DHRS7B: variants seen among roughly 807,000 people sequenced by gnomAD.
DHRS7B encodes the protein dehydrogenase/reductase 7B, also known as peroxisomal reductase activating PPAR-gamma.
A neutral mutation model predicts 26.4 loss-of-function variants in DHRS7B; 24 were observed. The ratio of observed to expected loss-of-function variants is 0.91; its 90% CI spans 0.66 to 1.28. The LOEUF (loss-of-function observed/expected upper bound fraction) is 1.28, where lower values mean the gene tolerates loss of function less well. Ranked by LOEUF, DHRS7B falls within the 50% of genes most tolerant of loss-of-function variation. The pLI is 0.00. For synonymous variants in DHRS7B, 142 were observed against 166.4 expected, an observed-to-expected ratio of 0.85 and a Z score of 1.13; for missense variants, 368 against 419.4, an observed-to-expected ratio of 0.88 and a Z score of 1.07.
chr17:21,183,590 C>G lies in DHRS7B; in HGVS notation c.310-4C>G. 6.2e-7 allele frequency: 1 copy of G among 1,612,394 alleles called. No individual in the cohort carries two copies. The highest frequency in any genetic ancestry group is 8.5e-7 in the Non-Finnish European group (1 of 1,179,938). On this transcript the variant is annotated splice_region_variant and splice_polypyrimidine_tract_variant and intron_variant, in intron 3 of 6. Coordinates refer to ENST00000395511, the MANE Select transcript of DHRS7B (RefSeq NM_015510.5). ...GTGAATTTGTATCTGTTGTATTTGACCAGGTGCAGACACACAAGCCTTACT... is the reference window on the plus strand; with the variant it reads ...GTGAATTTGTATCTGTTGTATTTGAGCAGGTGCAGACACACAAGCCTTACT...
intron 6 of DHRS7B, among the ~76,000 whole-genome samples, chr17:21,190,375 C>T (rs1392885815): frequency 1.3e-5 from 2 of 152,170 alleles, no homozygotes; most frequent in African/African-American, 4.8e-5. Context: ...GTTTCTCATC[C>T]AATTAATACT....
At chr17:21,155,550 C>G (rs547006944) in intron 1 of DHRS7B, among the ~76,000 whole-genome samples, 4 of 152,278 alleles carry the variant, frequency 2.6e-5, no homozygotes, top group African/African-American at 4.8e-5. Flanking sequence ...CTTCAATGCT[C>G]CTTTATCAGA....
Position 21,141,640 on chromosome 17 carries a change from A to AAAAAAAAAAAAAAAAG in DHRS7B, c.20+14649_20+14650insAAAAAAAAAAAAAAAG. Among the ~76,000 whole-genome samples, 443 of 90,060 alleles carry AAAAAAAAAAAAAAAAG rather than the reference A, an allele frequency of 4.9e-3. 58 individuals are homozygous for AAAAAAAAAAAAAAAAG. Among genetic ancestry groups the AAAAAAAAAAAAAAAAG allele is most frequent in the Middle Eastern group, 0.023 (2 of 88 alleles). 59.1% of individuals were successfully genotyped at this position (90,060 alleles called of 152,430 possible). The stretch of plus-strand genomic sequence containing the variant: ...AAAGCAAAAAAAAAAAAAAAAAAAA[A>AAAAAAAAAAAAAAAAG]CAACCTCATCTCAAACTCCACAAAG... On this transcript the variant is annotated intron_variant, in intron 1 of 6. Transcript: ENST00000395511.
chr17:21,151,724 A>C (rs1209417955), intron 1 of DHRS7B, among the ~76,000 whole-genome samples: 1 of 152,150 alleles, frequency 6.6e-6, no homozygotes, highest in Non-Finnish European at 1.5e-5. Flanking sequence ...GGAAAACATG[A>C]AGTGTAATTG....
chr17:21,141,252 C>T (rs1973502073), intron 1 of DHRS7B, among the ~76,000 whole-genome samples: 2 of 152,168 alleles, frequency 1.3e-5, no homozygotes. Context: ...GAGCAAAACA[C>T]CCTTTTTCTT....
At chr17:21,138,091 T>TACACACACACACACACAC (rs1207234984) in intron 1 of DHRS7B, among the ~76,000 whole-genome samples, 5 of 53,410 alleles carry the variant, frequency 9.4e-5, no homozygotes, top group African/African-American at 3.6e-4. Flanking sequence ...TATATATATA[T>TACACACACACACACACAC]ATATATATAT....
intron 1 of DHRS7B, among the ~76,000 whole-genome samples, chr17:21,133,637 T>C (rs1272343984): frequency 2.6e-5 from 4 of 152,228 alleles, no homozygotes; most frequent in Non-Finnish European, 5.9e-5. Flanking sequence ...ACTTTTCTTT[T>C]TTAAAATCAT....
intron 1 of DHRS7B, among the ~76,000 whole-genome samples, chr17:21,143,555 T>G (rs1973574189): frequency 6.6e-6 from 1 of 152,210 alleles, no homozygotes; most frequent in South Asian, 2.1e-4. Context: ...ATTGTGACAT[T>G]ACAGCATTTT....
At chr17:21,151,618 C>T (rs143307307) in intron 1 of DHRS7B, among the ~76,000 whole-genome samples, 124 of 152,024 alleles carry the variant, frequency 8.2e-4, no homozygotes, top group Non-Finnish European at 1.3e-3. Context: ...GAAATCATAC[C>T]GCACACAGTT....
rs769786745 is a variant in DHRS7B, at chr17:21,183,722, C to T, written c.438C>T (p.Ser146=). 1 of 1,614,228 alleles carries T rather than the reference C, an allele frequency of 6.2e-7. No homozygotes were observed. The highest frequency in any genetic ancestry group is 1.1e-5 in the South Asian group (1 of 91,086). Residue 146 remains serine (S), a synonymous_variant, in exon 4 of 7, where the codon AGC becomes AGT. Transcript: ENST00000395511. ...TACTTGTCAACAATGCTGGGATCAG[C>T]TACCGTGGTACCATCATGGACACCA... ...VDILVNNAGI[S]YRGTIMDTTV...
chr17:21,152,738 G>A (rs545748174), intron 1 of DHRS7B, among the ~76,000 whole-genome samples: 1 of 152,200 alleles, frequency 6.6e-6, no homozygotes, highest in South Asian at 2.1e-4. Context: ...TTGGGGAAGG[G>A]TAATACTCAA....
chr17:21,154,719 T>C (rs1264185220), intron 1 of DHRS7B, among the ~76,000 whole-genome samples: 1 of 152,246 alleles, frequency 6.6e-6, no homozygotes, highest in African/African-American at 2.4e-5. Flanking sequence ...TATTTTATTA[T>C]GTATGCTTTT....
At chr17:21,138,610 A>T (rs1973420287) in intron 1 of DHRS7B, among the ~76,000 whole-genome samples, 2 of 152,076 alleles carry the variant, frequency 1.3e-5, no homozygotes, top group Admixed American at 1.3e-4. Context: ...ATTTTTCTTT[A>T]AGCTTTCTTA....
At chr17:21,179,762 C>CTTTTTTTTTTTT (rs55928399) in intron 3 of DHRS7B, among the ~76,000 whole-genome samples, 2 of 137,606 alleles carry the variant, frequency 1.5e-5, no homozygotes, top group African/African-American at 2.6e-5. Context: ...TTTTCACTTT[C>CTTTTTTTTTTTT]TTTTTTTTTT....
At chr17:21,145,691 T>C (rs1435700221) in intron 1 of DHRS7B, among the ~76,000 whole-genome samples, 1 of 152,246 alleles carries the variant, frequency 6.6e-6, no homozygotes, top group African/African-American at 2.4e-5. Context: ...ACACCCATTC[T>C]ATTTTTCACT....
chr17:21,138,151 T>C lies in DHRS7B; in HGVS notation c.20+11160T>C, dbSNP rs148146878. ...ACACACATATATTTATTGCGACTTA[T>C]ACTGACCATTCGTGACATGCTTGGA... On this transcript the variant is annotated intron_variant, in intron 1 of 6. Coordinates refer to ENST00000395511, the MANE Select transcript of DHRS7B (RefSeq NM_015510.5). Among the ~76,000 whole-genome samples the C allele has an allele frequency of 4.3e-3, 604 of 141,928 alleles. 5 individuals carry two copies. Among genetic ancestry groups the C allele is most frequent in the African/African-American group, 0.015 (588 of 38,112 alleles). 93.1% of individuals were successfully genotyped at this position (141,928 alleles called of 152,430 possible). A position where few individuals can be genotyped will look rare whatever the true frequency, so the allele number is the denominator to read the frequency against.
intron 1 of DHRS7B, among the ~76,000 whole-genome samples, chr17:21,132,886 T>G (rs919224987): frequency 6.6e-6 from 1 of 152,200 alleles, no homozygotes; most frequent in Non-Finnish European, 1.5e-5. Context: ...AAGTTCCAGC[T>G]AAAGGATTTT....
Position 21,178,239 on chromosome 17 carries a change from C to T in DHRS7B, c.206C>T (p.Ala69Val). The T allele has an allele frequency of 6.2e-7, 1 of 1,614,200 alleles. No individual in the cohort carries two copies. The highest frequency in any genetic ancestry group is 8.5e-7 in the Non-Finnish European group (1 of 1,180,014). The stretch of plus-strand genomic sequence containing the variant: ...CTCTTTTCTCTTCCCTTAGAATGTG[C>T]AAAAGTCTTCTATGCTGCGGGTGCT... ...GATSGLGKEC[A>V]KVFYAAGAKL... The change falls in exon 3 of 7, where the codon GCA becomes GTA. Residue 69 changes from alanine to valine, a missense_variant. Ala to Val is a moderately conservative substitution (Grantham distance 64, BLOSUM62 0). Transcript: ENST00000395511.
At chr17:21,132,348 A>AAATATATATAT (rs1491147235) in intron 1 of DHRS7B, among the ~76,000 whole-genome samples, 1 of 125,020 alleles carries the variant, frequency 8.0e-6, no homozygotes, top group African/African-American at 2.9e-5. Context: ...AAAAAAAAAA[A>AAATATATATAT]ATATATATAT....
Sources: allele counts gnomAD v4.1 joint callset (sites outside exome capture counted in the v4.1 genomes callset), GRCh38; gene constraint gnomAD v4.1.1; transcripts MANE v1.5; gene names NCBI Gene and HGNC (gene_info 2026-07-23, HGNC 2026-07-21).